ATP5F1A: variants seen among roughly 807,000 people sequenced by gnomAD.
The protein encoded by ATP5F1A is ATP synthase F1 subunit alpha.
Under a neutral mutation model 57.4 loss-of-function variants are expected in ATP5F1A, and 24 were observed. The ratio of observed to expected loss-of-function variants is 0.42; its 90% CI spans 0.30 to 0.59. The LOEUF is 0.59. Ranked by LOEUF, ATP5F1A falls within the 20% of genes least tolerant of loss-of-function variation. The pLI, the probability that ATP5F1A is intolerant of heterozygous loss-of-function variation, is 0.19. For synonymous variants in ATP5F1A, 251 were observed against 255.5 expected, an observed-to-expected ratio of 0.98 and a Z score of 0.17; for missense variants, 494 against 707.9, an observed-to-expected ratio of 0.70 and a Z score of 3.43.
At chr18:46,098,594 T>C (rs540082693), upstream of ATP5F1A, among the ~76,000 whole-genome samples, 10 of 152,196 alleles carry the variant, frequency 6.6e-5, no homozygotes, top group African/African-American at 2.4e-4. Flanking sequence ...CCCCATCTGG[T>C]GCTAGAGGAT....
At chr18:46,094,778 T>C (rs1910820307) in intron 2 of ATP5F1A, 1 of 294,012 alleles carries the variant, frequency 3.4e-6, no homozygotes, top group Admixed American at 5.1e-5. Context: ...TTCCATTACC[T>C]AGTGTATGTT....
Position 46,081,262 on chromosome 18 carries a change from C to T in ATP5F1A, c.*3020G>A, listed in dbSNP as rs1426767350. The T allele has an allele frequency of 2.7e-5, 4 of 150,720 alleles. No individual in the cohort carries two copies. The highest frequency in any genetic ancestry group is 9.8e-5 in the African/African-American group (4 of 40,862). 9.3% of individuals were successfully genotyped at this position (150,720 alleles called of 1,614,324 possible). On this transcript the variant is annotated 3_prime_UTR_variant, in exon 12 of 12. Coordinates refer to ENST00000398752, the MANE Select transcript of ATP5F1A (RefSeq NM_004046.6). The stretch of plus-strand genomic sequence containing the variant: ...TGAGCATTTACGTGCCAGGAGTGGG[C>T]TACGAGATCCAGTCAACAAACAAAC...
intron 1 of ATP5F1A, among the ~76,000 whole-genome samples, chr18:46,096,331 T>C (rs1220512921): frequency 2.6e-5 from 4 of 151,496 alleles, no homozygotes; most frequent in African/African-American, 9.7e-5. Context: ...AGAAACCCCG[T>C]CTCTACTAGA....
At chr18:46,091,876 T>C in intron 2 of ATP5F1A, 25 bp from the exon 3 acceptor site, 1 of 1,594,174 alleles carries the variant, frequency 6.3e-7, no homozygotes, top group Non-Finnish European at 8.5e-7. Flanking sequence ...TCAATTCAAT[T>C]AAAAAAATAA....
intron 8 of ATP5F1A, 170 bp downstream of exon 8, chr18:46,086,838 T>A: frequency 1.4e-6 from 1 of 709,692 alleles, no homozygotes; most frequent in Non-Finnish European, 2.3e-6. Flanking sequence ...GGGTGACAGA[T>A]ACATGGGGTT....
At chr18:46,086,739 T>C in intron 8 of ATP5F1A, 1 of 599,334 alleles carries the variant, frequency 1.7e-6, no homozygotes, top group Admixed American at 3.2e-5. Flanking sequence ...AGTGATATAA[T>C]TTCTATTTGA....
intron 2 of ATP5F1A, among the ~76,000 whole-genome samples, chr18:46,092,964 A>G (rs1910673635): frequency 1.3e-5 from 2 of 151,910 alleles, no homozygotes; most frequent in Non-Finnish European, 2.9e-5. Context: ...CCTGGGCAAC[A>G]TGGTGAAACC....
At chr18:46,096,917 T>C (rs1910999867) in intron 1 of ATP5F1A, among the ~76,000 whole-genome samples, 1 of 130,806 alleles carries the variant, frequency 7.6e-6, no homozygotes, top group African/African-American at 3.0e-5. Context: ...TGGGAGGCGG[T>C]GGTTGCAGTG....
chr18:46,095,013 A>G (rs896472960), intron 2 of ATP5F1A, 40 bp downstream of exon 2: 1 of 1,554,684 alleles, frequency 6.4e-7, no homozygotes, highest in Non-Finnish European at 8.7e-7. Context: ...TTATATCTTC[A>G]TCTAGTAAGT....
intron 6 of ATP5F1A, chr18:46,087,753 A>C: frequency 2.2e-6 from 1 of 453,080 alleles, no homozygotes. Flanking sequence ...GGTGGCATGC[A>C]CCTGTAATCC....
chr18:46,088,992 CAG>C (rs1910337128), intron 5 of ATP5F1A, among the ~76,000 whole-genome samples: 2 of 151,946 alleles, frequency 1.3e-5, no homozygotes, highest in South Asian at 4.1e-4. Context: ...CATCAAGGCA[CAG>C]CACCTTTCCT....
At chr18:46,094,234 A>G (rs1910780653) in intron 2 of ATP5F1A, among the ~76,000 whole-genome samples, 1 of 152,078 alleles carries the variant, frequency 6.6e-6, no homozygotes, top group African/African-American at 2.4e-5. Context: ...CTTTATTTTA[A>G]AAGTCCAAAT....
At position 46,085,943 on chromosome 18, in the gene ATP5F1A, A is replaced by AAAAAATC; in HGVS notation, c.1429+163_1429+169dup. 4 of 834,234 alleles carry AAAAAATC rather than the reference A, an allele frequency of 4.8e-6. No individual in the cohort carries two copies. The South Asian group carries it at 8.8e-5, about 18-fold the overall frequency. 51.7% of individuals were successfully genotyped at this position (834,234 alleles called of 1,614,324 possible). ...AATGAAACTTCGTCTCAAAAAAAAA[A>AAAAAATC]AAAAATCAAAAATCAAAAAACAAAT... On this transcript the variant is annotated intron_variant, in intron 10 of 11. Coordinates refer to ENST00000398752, the MANE Select transcript of ATP5F1A (RefSeq NM_004046.6).
chr18:46,099,696 G>C (rs1911210185), upstream of ATP5F1A, among the ~76,000 whole-genome samples: 1 of 152,108 alleles, frequency 6.6e-6, no homozygotes, highest in Non-Finnish European at 1.5e-5. Flanking sequence ...CTGGCTTCAA[G>C]TGATCCTTCC....
chr18:46,094,437 G>A (rs531468710), intron 2 of ATP5F1A, among the ~76,000 whole-genome samples: 1 of 152,180 alleles, frequency 6.6e-6, no homozygotes, highest in African/African-American at 2.4e-5. Context: ...GGGAGGCCGA[G>A]GCAGGCATAT....
chr18:46,094,164 T>TACACACACAC (rs71938962), intron 2 of ATP5F1A, among the ~76,000 whole-genome samples: 48 of 149,136 alleles, frequency 3.2e-4, no homozygotes, highest in Non-Finnish European at 5.7e-4. Flanking sequence ...TGTGTACACA[T>TACACACACAC]ACACACACAC....
intron 3 of ATP5F1A, 55 bp downstream of exon 3, chr18:46,091,622 TAAATG>T: frequency 6.8e-7 from 1 of 1,465,018 alleles, no homozygotes; most frequent in Non-Finnish European, 9.1e-7. Context: ...TTTGAATCGC[TAAATG>T]AATAACTGAG....
upstream of ATP5F1A, chr18:46,099,448 T>TA (rs1000076506): frequency 2.0e-5 from 3 of 151,824 alleles, no homozygotes; most frequent in African/African-American, 7.3e-5. Context: ...CTTTTTTTTT[T>TA]ATTTATTTAT....
At chr18:46,095,890 A>AT (rs947035441) in intron 1 of ATP5F1A, among the ~76,000 whole-genome samples, 90 of 147,954 alleles carry the variant, frequency 6.1e-4, no homozygotes, top group African/African-American at 2.1e-3. Flanking sequence ...ATACACACAC[A>AT]TTTTTTTTTT....
Sources: gnomAD v4.1 joint callset for allele counts (sites outside exome capture counted in the v4.1 genomes callset) on GRCh38, gnomAD v4.1.1 for gene constraint, MANE v1.5 for transcripts, NCBI Gene and HGNC (gene_info 2026-07-23, HGNC 2026-07-21) for gene names.